Variants in SLC25A16 observed in about 807,000 individuals in gnomAD.
The protein encoded by SLC25A16 is solute carrier family 25 member 16.
SLC25A16 carries 39 observed loss-of-function variants against 41.5 expected under a neutral mutation model. That is an observed-to-expected ratio of 0.94 (90% CI 0.73 to 1.23). SLC25A16 has a LOEUF of 1.23. Among genes scored for constraint, SLC25A16 ranks in the 50% most tolerant of loss-of-function variants. The pLI is 0.00. For missense variants in SLC25A16, 421 were observed against 426.9 expected (o/e 0.99, Z 0.12); for synonymous variants, 146 against 147.8 (o/e 0.99, Z 0.09).
Position 68,516,749 on chromosome 10 carries a change from A to G in SLC25A16, c.223+2T>C, listed in dbSNP as rs759978620. 1 of 1,570,324 alleles carries G rather than the reference A, an allele frequency of 6.4e-7. No homozygotes were observed. The highest frequency in any genetic ancestry group is 8.7e-7 in the Non-Finnish European group (1 of 1,144,024). ...TTTTATCTTTAGCATCTATTAACTCACCTAAATGCTTGTAATGGTGATTGT... is the reference window on the plus strand; with the variant it reads ...TTTTATCTTTAGCATCTATTAACTCGCCTAAATGCTTGTAATGGTGATTGT... On this transcript the variant is annotated splice_donor_variant, in intron 2 of 8. Coordinates refer to ENST00000609923, the MANE Select transcript of SLC25A16 (RefSeq NM_152707.4). LOFTEE classifies it high-confidence loss of function.
intron 6 of SLC25A16, among the ~76,000 whole-genome samples, chr10:68,489,326 C>T (rs968907040): frequency 2.0e-5 from 3 of 151,918 alleles, no homozygotes; most frequent in Admixed American, 6.6e-5. Context: ...AAGATACAGG[C>T]AAAAATTAAG....
intron 1 of SLC25A16, among the ~76,000 whole-genome samples, chr10:68,525,677 G>A (rs2053325640): frequency 6.6e-6 from 1 of 152,092 alleles, no homozygotes; most frequent in Non-Finnish European, 1.5e-5. Context: ...CAACCTGTGG[G>A]GAAAAGCAAG....
At chr10:68,499,451 G>T in intron 4 of SLC25A16, 1 of 164,234 alleles carries the variant, frequency 6.1e-6, no homozygotes, top group South Asian at 1.6e-4. Context: ...AAACATACGT[G>T]GGGAAAGAAG....
chr10:68,488,769 T>A, intron 6 of SLC25A16, 140 bp from the exon 7 acceptor site: 2 of 711,866 alleles, frequency 2.8e-6, no homozygotes, highest in Non-Finnish European at 4.5e-6. Context: ...TGTACATAAA[T>A]AACCTAAAGA....
intron 1 of SLC25A16, among the ~76,000 whole-genome samples, chr10:68,520,524 A>AAATT (rs2053232996): frequency 6.6e-6 from 1 of 152,038 alleles, no homozygotes; most frequent in African/African-American, 2.4e-5. Flanking sequence ...AAAAATACAA[A>AAATT]AATTAGGCCA....
intron 1 of SLC25A16, among the ~76,000 whole-genome samples, chr10:68,524,808 C>T (rs763933850): frequency 6.6e-6 from 1 of 151,406 alleles, no homozygotes; most frequent in African/African-American, 2.4e-5. Context: ...AACCCGGATA[C>T]GGAGGTTGCA....
intron 2 of SLC25A16, among the ~76,000 whole-genome samples, chr10:68,509,293 C>T (rs1475352553): frequency 1.3e-5 from 2 of 151,918 alleles, no homozygotes; most frequent in African/African-American, 2.4e-5. Context: ...GCCACTCCAG[C>T]GACACTGCAC....
At chr10:68,483,679 G>T in intron 8 of SLC25A16, 91 bp from the exon 9 acceptor site, 1 of 1,102,132 alleles carries the variant, frequency 9.1e-7, no homozygotes, top group South Asian at 2.0e-5. Context: ...TTTTTGAGAT[G>T]GACTCTTGCT....
chr10:68,501,377 G>A (rs978552432), intron 4 of SLC25A16, among the ~76,000 whole-genome samples: 7 of 152,120 alleles, frequency 4.6e-5, no homozygotes, highest in Non-Finnish European at 7.4e-5. Flanking sequence ...ACTCCATGTC[G>A]AGTGTCCAAA....
intron 2 of SLC25A16, among the ~76,000 whole-genome samples, chr10:68,508,398 A>C (rs1173687629): frequency 1.2e-5 from 1 of 81,160 alleles, no homozygotes; most frequent in Non-Finnish European, 2.4e-5. Context: ...AGTAACAGGA[A>C]GCTTTAAAAA....
At chr10:68,497,148 C>T (rs1326411714) in intron 4 of SLC25A16, among the ~76,000 whole-genome samples, 1 of 152,180 alleles carries the variant, frequency 6.6e-6, no homozygotes. Context: ...GATTTGTTCT[C>T]AAAGACAGCT....
intron 1 of SLC25A16, among the ~76,000 whole-genome samples, chr10:68,523,169 G>A (rs1001282193): frequency 4.6e-5 from 7 of 151,720 alleles, no homozygotes; most frequent in African/African-American, 1.4e-4. Flanking sequence ...GGCTTACTGC[G>A]ACCTCCGCCT....
chr10:68,480,021 A>AG lies in SLC25A16; in HGVS notation c.*3410_*3411insC, dbSNP rs1366512553. On this transcript the variant is annotated 3_prime_UTR_variant, in exon 9 of 9. Transcript: ENST00000609923. ...GTTAAGACTCTCGTTAAAAAAAAAA[A>AG]AAAAAGAATGTAATGAGATATTATT... The AG allele has an allele frequency of 6.7e-6, 1 of 148,246 alleles. No homozygotes were observed. Among genetic ancestry groups the AG allele is most frequent in the Admixed American group, 6.8e-5 (1 of 14,668 alleles). The allele number at this position is 148,246 out of a possible 1,614,324, so 9.2% of individuals were successfully genotyped here.
At chr10:68,490,855 G>GA (rs2052645503) in intron 6 of SLC25A16, among the ~76,000 whole-genome samples, 2 of 151,644 alleles carry the variant, frequency 1.3e-5, no homozygotes, top group South Asian at 4.2e-4. Context: ...CTTAAAATTT[G>GA]AATTTCTTAA....
Position 68,480,235 on chromosome 10 carries a change from G to A in SLC25A16, c.*3197C>T, listed in dbSNP as rs2052469418. ...ATAAAATGTCAGTCTTCAAATGGAA[G>A]ATAACCTGGCAAGATGCACTTTGGG... On this transcript the variant is annotated 3_prime_UTR_variant, in exon 9 of 9. Coordinates refer to ENST00000609923, the MANE Select transcript of SLC25A16 (RefSeq NM_152707.4). 6.6e-6 allele frequency: 1 copy of A among 152,098 alleles called. No individual in the cohort carries two copies. The highest frequency in any genetic ancestry group is 6.6e-5 in the Admixed American group (1 of 15,246). The allele number at this position is 152,098 out of a possible 1,614,324, so 9.4% of individuals were successfully genotyped here.
chr10:68,486,247 A>C (rs927069532), intron 8 of SLC25A16, among the ~76,000 whole-genome samples: 6 of 144,614 alleles, frequency 4.1e-5, no homozygotes, highest in Non-Finnish European at 7.6e-5. Context: ...AAAAAAAAAA[A>C]CACAACCTCT....
intron 1 of SLC25A16, among the ~76,000 whole-genome samples, chr10:68,524,638 G>T (rs2053305703): frequency 6.7e-6 from 1 of 148,866 alleles, no homozygotes; most frequent in South Asian, 2.1e-4. Flanking sequence ...GAACCAGGCG[G>T]CAGAGGTTGC....
At chr10:68,507,457 AGAGATTTT>A (rs2052978108) in intron 2 of SLC25A16, among the ~76,000 whole-genome samples, 1 of 152,028 alleles carries the variant, frequency 6.6e-6, no homozygotes, top group Non-Finnish European at 1.5e-5. Context: ...GTTTACATAA[AGAGATTTT>A]TAAATAAAAC....
chr10:68,483,471 T>G lies in SLC25A16; in HGVS notation c.960A>C (p.Thr320=), dbSNP rs761922105. 5.0e-6 allele frequency: 8 copies of G among 1,608,380 alleles called. No individual in the cohort carries two copies. The African/African-American group carries it at 8.0e-5, about 16-fold the overall frequency. ...RCIPSQAVAF[T]TYELMKQFFH... is the part of the protein sequence containing the mutation. ...AAAACTGCTTCATAAGTTCGTATGT[T>G]GTAAAAGCCACTGCTTGAGAGGGAA... is the stretch of plus-strand genomic sequence containing the variant. Residue 320 remains threonine (T), a synonymous_variant, in exon 9 of 9, where the codon ACA becomes ACC. Coordinates refer to ENST00000609923, the MANE Select transcript of SLC25A16 (RefSeq NM_152707.4).
Sources: allele counts gnomAD v4.1 joint callset (sites outside exome capture counted in the v4.1 genomes callset), GRCh38; gene constraint gnomAD v4.1.1; transcripts MANE v1.5; gene names NCBI Gene and HGNC (gene_info 2026-07-23, HGNC 2026-07-21).